Variants in CNTN4 observed in about 807,000 individuals in gnomAD.
The protein encoded by CNTN4 is contactin-4.
CNTN4 carries 77 observed loss-of-function variants against 122.5 expected under a neutral mutation model. The observed-to-expected ratio is 0.63, with a 90% CI of 0.52 to 0.76. The LOEUF (loss-of-function observed/expected upper bound fraction) is 0.76. CNTN4 is among the 30% of genes least tolerant of loss of function. The pLI, the probability that CNTN4 is intolerant of heterozygous loss-of-function variation, is 0.00. For missense variants in CNTN4, 1,256 were observed against 1,259.1 expected (o/e 1.00, Z 0.04); for synonymous variants, 512 against 447.0 (o/e 1.15, Z -1.83).
intron 12 of CNTN4, among the ~76,000 whole-genome samples, chr3:2,912,449 G>A (rs2094310905): frequency 6.6e-6 from 1 of 152,186 alleles, no homozygotes; most frequent in Non-Finnish European, 1.5e-5. Context: ...AGTCCTTCAA[G>A]TTGAAATGAA....
chr3:2,225,614 C>T (rs1366222816), intron 2 of CNTN4, among the ~76,000 whole-genome samples: 4 of 152,202 alleles, frequency 2.6e-5, no homozygotes, highest in African/African-American at 9.6e-5. Context: ...TACTATCTCA[C>T]GACTTTTCTA....
At chr3:2,480,719 A>G (rs1041343791) in intron 3 of CNTN4, among the ~76,000 whole-genome samples, 1 of 152,238 alleles carries the variant, frequency 6.6e-6, no homozygotes, top group African/African-American at 2.4e-5. Flanking sequence ...CCCAATCAAA[A>G]TCCCAGAAAG....
intron 2 of CNTN4, among the ~76,000 whole-genome samples, chr3:2,268,365 G>C (rs1212043284): frequency 1.3e-5 from 2 of 151,938 alleles, no homozygotes; most frequent in African/African-American, 2.4e-5. Flanking sequence ...GTATTTACAT[G>C]CGTGTGACTT....
intron 3 of CNTN4, among the ~76,000 whole-genome samples, chr3:2,529,468 C>T (rs1276974242): frequency 6.6e-6 from 1 of 152,068 alleles, no homozygotes; most frequent in Non-Finnish European, 1.5e-5. Context: ...GATATATACC[C>T]AGTCATGGTA....
Position 2,220,139 on chromosome 3 carries a change from C to T in CNTN4, c.-144-119039C>T, listed in dbSNP as rs543722458. Among the ~76,000 whole-genome samples the T allele has an allele frequency of 6.6e-5, 10 of 152,142 alleles. 1 individual carries two copies. The highest frequency in any genetic ancestry group is 1.5e-4 in the Non-Finnish European group (10 of 67,962). ...CATGTTCTTTTACTTTCACTGAAACCCTTCCTCAGTTTTAAAGTGGAGCTC... is the reference window on the plus strand; with the variant it reads ...CATGTTCTTTTACTTTCACTGAAACTCTTCCTCAGTTTTAAAGTGGAGCTC... On this transcript the variant is annotated intron_variant, in intron 2 of 24. Coordinates refer to ENST00000418658, the MANE Select transcript of CNTN4 (RefSeq NM_175607.3).
intron 6 of CNTN4, among the ~76,000 whole-genome samples, chr3:2,774,339 A>G (rs1228695278): frequency 1.3e-5 from 2 of 152,026 alleles, no homozygotes; most frequent in Non-Finnish European, 1.5e-5. Context: ...TCATCTGCCA[A>G]TCTTCTTGCC....
intron 13 of CNTN4, among the ~76,000 whole-genome samples, chr3:2,936,607 G>A (rs531778386): frequency 2.6e-5 from 4 of 152,002 alleles, no homozygotes; most frequent in Non-Finnish European, 4.4e-5. Context: ...TGAGCCACAC[G>A]GACCTTCTCT....
chr3:2,872,673 T>C (rs2093799952), intron 8 of CNTN4, among the ~76,000 whole-genome samples: 1 of 152,108 alleles, frequency 6.6e-6, no homozygotes, highest in Non-Finnish European at 1.5e-5. Flanking sequence ...GAGTTTCAAA[T>C]TCTCTCTTTC....
chr3:2,899,059 A>G lies in CNTN4; in HGVS notation c.941-1626A>G, dbSNP rs1361905757. On this transcript the variant is annotated intron_variant, in intron 10 of 24. Coordinates refer to ENST00000418658, the MANE Select transcript of CNTN4 (RefSeq NM_175607.3). ...ACCCTTTTGGCCTCCCCTCATATGC[A>G]GCAATGCATCATCCCATCAGTAGAG... Among the ~76,000 whole-genome samples the G allele has an allele frequency of 2.0e-5, 3 of 152,336 alleles. 1 individual carries two copies. The highest frequency in any genetic ancestry group is 6.8e-3 in the Middle Eastern group (2 of 294).
intron 14 of CNTN4, among the ~76,000 whole-genome samples, chr3:3,009,673 T>G (rs1697024679): frequency 6.6e-6 from 1 of 152,132 alleles, no homozygotes; most frequent in Non-Finnish European, 1.5e-5. Flanking sequence ...GACCTCGTGA[T>G]CTGCCCTCCT....
chr3:2,396,313 A>C (rs1356429149), intron 3 of CNTN4, among the ~76,000 whole-genome samples: 1 of 152,120 alleles, frequency 6.6e-6, no homozygotes. Flanking sequence ...GCATGAGCCA[A>C]AGCGCCCAGC....
chr3:2,411,443 G>C (rs1468063769), intron 3 of CNTN4, among the ~76,000 whole-genome samples: 4 of 152,122 alleles, frequency 2.6e-5, no homozygotes, highest in Non-Finnish European at 4.4e-5. Flanking sequence ...ATCTAACTAA[G>C]AGAATCCTAG....
chr3:2,522,213 T>G (rs900630767), intron 3 of CNTN4, among the ~76,000 whole-genome samples: 5 of 151,068 alleles, frequency 3.3e-5, no homozygotes, highest in African/African-American at 1.2e-4. Context: ...TGAAAGATAT[T>G]ACATTACTAC....
intron 2 of CNTN4, among the ~76,000 whole-genome samples, chr3:2,174,766 C>T (rs1189626436): frequency 6.6e-6 from 1 of 152,200 alleles, no homozygotes; most frequent in Non-Finnish European, 1.5e-5. Flanking sequence ...GCATTGGCAT[C>T]TGCTCAGCTT....
At chr3:2,202,038 G>A (rs2038121560) in intron 2 of CNTN4, among the ~76,000 whole-genome samples, 2 of 152,162 alleles carry the variant, frequency 1.3e-5, no homozygotes, top group South Asian at 4.1e-4. Context: ...GAAGACTGAA[G>A]CTCTTAACTC....
intron 3 of CNTN4, among the ~76,000 whole-genome samples, chr3:2,468,985 G>A (rs995859350): frequency 7.2e-5 from 11 of 152,080 alleles, no homozygotes; most frequent in Non-Finnish European, 1.5e-4. Context: ...ATCTGGCAAG[G>A]AGAAATAAGA....
intron 14 of CNTN4, among the ~76,000 whole-genome samples, chr3:3,021,421 T>C (rs1462992834): frequency 1.3e-5 from 2 of 152,324 alleles, no homozygotes; most frequent in Non-Finnish European, 2.9e-5. Context: ...CCAGTCCCCT[T>C]ATGTCATCTG....
At chr3:2,481,730 T>C (rs144968803) in intron 3 of CNTN4, among the ~76,000 whole-genome samples, 1 of 152,110 alleles carries the variant, frequency 6.6e-6, no homozygotes, top group African/African-American at 2.4e-5. Flanking sequence ...AATTAAATCA[T>C]GGGGGTGGTT....
chr3:2,251,104 G>A (rs1054023552), intron 2 of CNTN4, among the ~76,000 whole-genome samples: 2 of 151,714 alleles, frequency 1.3e-5, no homozygotes, highest in African/African-American at 2.4e-5. Flanking sequence ...ATGGAAAACC[G>A]ATCATCTGAC....
Sources: allele counts gnomAD v4.1 joint callset (sites outside exome capture counted in the v4.1 genomes callset), GRCh38; gene constraint gnomAD v4.1.1; transcripts MANE v1.5; gene names NCBI Gene and HGNC (gene_info 2026-07-23, HGNC 2026-07-21).